PLXNA2: variants seen among roughly 807,000 people sequenced by gnomAD.
PLXNA2 encodes the protein plexin A2, also known as plexin-A2.
Under a neutral mutation model 193.5 loss-of-function variants are expected in PLXNA2, and 91 were observed. That is an observed-to-expected ratio of 0.47 (90% CI 0.40 to 0.56). The LOEUF is 0.56. Ranked by LOEUF, PLXNA2 falls within the 20% of genes least tolerant of loss-of-function variation. PLXNA2 has a pLI of 0.00. For missense variants in PLXNA2, 1,995 were observed against 2,503.2 expected (o/e 0.80, Z 4.33); for synonymous variants, 997 against 1,027.3 (o/e 0.97, Z 0.56).
intron 3 of PLXNA2, among the ~76,000 whole-genome samples, chr1:208,196,473 A>G (rs1331053715): frequency 6.6e-6 from 1 of 152,184 alleles, no homozygotes; most frequent in Non-Finnish European, 1.5e-5. Flanking sequence ...GGGGCAGACA[A>G]CAGAAGTGAA....
At chr1:208,176,616 C>T (rs147112530) in intron 3 of PLXNA2, among the ~76,000 whole-genome samples, 1 of 152,138 alleles carries the variant, frequency 6.6e-6, no homozygotes, top group African/African-American at 2.4e-5. Flanking sequence ...GTGATTTTAC[C>T]CAGGGACATA....
At chr1:208,075,718 T>G (rs557335836) in intron 12 of PLXNA2, among the ~76,000 whole-genome samples, 6 of 151,614 alleles carry the variant, frequency 4.0e-5, no homozygotes, top group African/African-American at 1.4e-4. Flanking sequence ...ATTTTTTAGT[T>G]GGAATCTAGT....
At chr1:208,099,119 T>C in intron 5 of PLXNA2, 150 bp from the exon 6 acceptor site, 2 of 925,772 alleles carry the variant, frequency 2.2e-6, no homozygotes, top group South Asian at 1.7e-5. Context: ...AGGGCCTTGG[T>C]GACTCTCAGA....
chr1:208,153,653 C>T (rs1157690363), intron 3 of PLXNA2, among the ~76,000 whole-genome samples: 1 of 152,166 alleles, frequency 6.6e-6, no homozygotes, highest in Non-Finnish European at 1.5e-5. Context: ...CTGGCTCAGA[C>T]AGGTGGAAAG....
At chr1:208,194,170 T>C (rs1321830806) in intron 3 of PLXNA2, among the ~76,000 whole-genome samples, 1 of 151,966 alleles carries the variant, frequency 6.6e-6, no homozygotes, top group Non-Finnish European at 1.5e-5. Flanking sequence ...TGGTATGTTG[T>C]GCTCAGGTTG....
intron 4 of PLXNA2, among the ~76,000 whole-genome samples, chr1:208,111,882 A>G (rs145362681): frequency 0.014 from 2,123 of 152,188 alleles, 40 homozygotes; most frequent in Non-Finnish European, 0.019. Flanking sequence ...AGGCACAAAA[A>G]CCCCAGAAAA....
chr1:208,026,569 G>A lies in PLXNA2; in HGVS notation c.*674C>T, dbSNP rs1664346370. On this transcript the variant is annotated 3_prime_UTR_variant, in exon 32 of 32. Transcript: ENST00000367033. ...AGTTCCATACTCCTCTGGCTGCCGG[G>A]ATAATTCCAGGTTTTACTGGCCTCT... is the stretch of plus-strand genomic sequence containing the variant. 1 of 152,050 alleles carries A rather than the reference G, an allele frequency of 6.6e-6. No individual in the cohort carries two copies. The highest frequency in any genetic ancestry group is 1.5e-5 in the Non-Finnish European group (1 of 68,028). The allele number at this position is 152,050 out of a possible 1,614,324, so 9.4% of individuals were successfully genotyped here.
rs1265445008 is a variant in PLXNA2 at position 208,244,134 on chromosome 1, T to A, written c.-572A>T. 6.5e-6 allele frequency: 1 copy of A among 154,032 alleles called. No homozygotes were observed. The highest frequency in any genetic ancestry group is 1.4e-5 in the Non-Finnish European group (1 of 69,462). 9.5% of individuals were successfully genotyped at this position (154,032 alleles called of 1,614,324 possible). ...TGGCTTTCCAGATCTATTTCGAGGT[T>A]TGCTCCGCTGGCTGCGGCGCTCGCA... On this transcript the variant is annotated 5_prime_UTR_variant, in exon 1 of 32. Transcript: ENST00000367033.
intron 3 of PLXNA2, among the ~76,000 whole-genome samples, chr1:208,177,941 TACAGTGTGC>T: frequency 6.6e-6 from 1 of 152,384 alleles, no homozygotes; most frequent in African/African-American, 2.4e-5. Context: ...GTTATCTGTG[TACAGTGTGC>T]ACCTGGAGAT....
intron 1 of PLXNA2, among the ~76,000 whole-genome samples, chr1:208,231,168 T>C (rs1312531215): frequency 1.3e-5 from 2 of 151,752 alleles, no homozygotes; most frequent in African/African-American, 4.8e-5. Context: ...TTCTGAGAGG[T>C]TGAGACAGGG....
intron 10 of PLXNA2, among the ~76,000 whole-genome samples, chr1:208,083,104 C>A (rs1196645080): frequency 6.6e-6 from 1 of 152,176 alleles, no homozygotes; most frequent in Non-Finnish European, 1.5e-5. Flanking sequence ...ACCTGGCCAA[C>A]CCCTGCGGTG....
chr1:208,063,283 G>C (rs1302032557), intron 12 of PLXNA2, among the ~76,000 whole-genome samples: 1 of 152,216 alleles, frequency 6.6e-6, no homozygotes, highest in Non-Finnish European at 1.5e-5. Context: ...GCACTGGCAG[G>C]TTCCACGGGG....
At chr1:208,086,789 CAAAAA>C (rs11355579) in intron 9 of PLXNA2, among the ~76,000 whole-genome samples, 1 of 125,872 alleles carries the variant, frequency 7.9e-6, no homozygotes. Context: ...TATTTATAGC[CAAAAA>C]AAAAAAAAAA....
intron 4 of PLXNA2, among the ~76,000 whole-genome samples, chr1:208,119,985 G>A (rs763380043): frequency 6.6e-6 from 1 of 152,188 alleles, no homozygotes; most frequent in Non-Finnish European, 1.5e-5. Context: ...GGAGGTGAGT[G>A]GATGGATTTG....
chr1:208,167,669 A>G (rs375634341), intron 3 of PLXNA2, among the ~76,000 whole-genome samples: 60 of 152,306 alleles, frequency 3.9e-4, no homozygotes, highest in African/African-American at 1.3e-3. Flanking sequence ...TCACAAGACC[A>G]CAGGCCAAAG....
At chr1:208,173,339 T>A (rs746549812) in intron 3 of PLXNA2, among the ~76,000 whole-genome samples, 1 of 152,252 alleles carries the variant, frequency 6.6e-6, no homozygotes, top group Non-Finnish European at 1.5e-5. Context: ...TGCAGTTCTA[T>A]TTCCCTGCAC....
At chr1:208,174,504 G>A (rs894215757) in intron 3 of PLXNA2, among the ~76,000 whole-genome samples, 3 of 152,120 alleles carry the variant, frequency 2.0e-5, no homozygotes, top group Non-Finnish European at 4.4e-5. Context: ...AGACCATATG[G>A]AGGAGGCAGG....
intron 31 of PLXNA2, 117 bp downstream of exon 31, chr1:208,027,892 G>T: frequency 1.1e-6 from 1 of 913,022 alleles, no homozygotes; most frequent in Non-Finnish European, 1.6e-6. Flanking sequence ...TAATTTTCGA[G>T]CTCATGGGCT....
chr1:208,049,335 G>A (rs1286695702), intron 17 of PLXNA2, among the ~76,000 whole-genome samples: 2 of 150,020 alleles, frequency 1.3e-5, no homozygotes, highest in African/African-American at 4.9e-5. Flanking sequence ...TCCTTCCTGG[G>A]TGTGAACTTA....
Sources: allele counts gnomAD v4.1 joint callset (sites outside exome capture counted in the v4.1 genomes callset), GRCh38; gene constraint gnomAD v4.1.1; transcripts MANE v1.5; gene names NCBI Gene and HGNC (gene_info 2026-07-23, HGNC 2026-07-21).